Variants in BCAT1 observed in about 807,000 individuals in gnomAD.
BCAT1 encodes the protein branched chain amino acid transaminase 1, also known as branched-chain-amino-acid aminotransferase, cytosolic.
BCAT1 carries 48 observed loss-of-function variants against 52.4 expected under a neutral mutation model. That is an observed-to-expected ratio of 0.92 (90% CI 0.73 to 1.16). BCAT1 has a LOEUF of 1.16. Ranked by LOEUF, BCAT1 falls within the 50% of genes most tolerant of loss-of-function variation. The probability of loss-of-function intolerance (pLI) is 0.00; values close to 1 mark genes in which losing one functional copy is unlikely to be tolerated. For missense variants in BCAT1, 451 were observed against 457.1 expected (o/e 0.99, Z 0.12); for synonymous variants, 167 against 161.3 (o/e 1.04, Z -0.27).
chr12:24,832,544 G>A (rs1165240634), intron 9 of BCAT1, among the ~76,000 whole-genome samples, 179 bp downstream of exon 9: 20 of 152,178 alleles, frequency 1.3e-4, no homozygotes, highest in Admixed American at 1.3e-3. Context: ...AATAGCCACT[G>A]CACTCCAGCC....
At chr12:24,901,954 G>A in intron 1 of BCAT1, 69 bp from the exon 2 acceptor site, 1 of 1,612,712 alleles carries the variant, frequency 6.2e-7, no homozygotes, top group Non-Finnish European at 8.5e-7. Flanking sequence ...TAACCTACGT[G>A]ACGCTCACCA....
intron 1 of BCAT1, among the ~76,000 whole-genome samples, chr12:24,919,521 C>T (rs1257329853): frequency 2.0e-5 from 3 of 152,138 alleles, no homozygotes; most frequent in African/African-American, 7.2e-5. Flanking sequence ...TCGGCCTCCT[C>T]CCCTGTAGGA....
chr12:24,898,602 G>A (rs938015455), intron 2 of BCAT1, among the ~76,000 whole-genome samples: 52 of 130,684 alleles, frequency 4.0e-4, no homozygotes, highest in Admixed American at 3.8e-3. Flanking sequence ...TGCAACCTCC[G>A]CCTCCCCGGT....
At chr12:24,866,313 C>T (rs1186460296) in intron 5 of BCAT1, among the ~76,000 whole-genome samples, 2 of 152,234 alleles carry the variant, frequency 1.3e-5, no homozygotes, top group African/African-American at 2.4e-5. Flanking sequence ...TCTCGCCAGG[C>T]CTTAGCTGCC....
At chr12:24,944,999 A>C (rs1275830883) in intron 1 of BCAT1, among the ~76,000 whole-genome samples, 1 of 152,248 alleles carries the variant, frequency 6.6e-6, no homozygotes, top group Non-Finnish European at 1.5e-5. Flanking sequence ...AAAAGGTATA[A>C]CAGTAGAAAA....
At chr12:24,848,378 G>A (rs11047678) in intron 6 of BCAT1, among the ~76,000 whole-genome samples, 1,615 of 152,228 alleles carry the variant, frequency 0.011, 32 homozygotes, top group African/African-American at 0.036. Flanking sequence ...CACTCTGTGT[G>A]GTACTGAAAA....
chr12:24,868,167 T>A (rs976226489), intron 5 of BCAT1, among the ~76,000 whole-genome samples: 1 of 152,180 alleles, frequency 6.6e-6, no homozygotes, highest in African/African-American at 2.4e-5. Flanking sequence ...GAGGCTAGTA[T>A]AACTAACTCA....
At chr12:24,878,699 C>A in intron 4 of BCAT1, 50 bp from the exon 5 acceptor site, 1 of 1,520,468 alleles carries the variant, frequency 6.6e-7, no homozygotes, top group Non-Finnish European at 8.9e-7. Context: ...CACAATGTGG[C>A]AATAATAAAT....
At chr12:24,825,812 C>A (rs1242842851) in intron 10 of BCAT1, among the ~76,000 whole-genome samples, 1 of 152,120 alleles carries the variant, frequency 6.6e-6, no homozygotes, top group Non-Finnish European at 1.5e-5. Context: ...GTAATCTATT[C>A]CCTTTGTGGA....
chr12:24,841,552 T>G (rs1941172195), intron 7 of BCAT1, among the ~76,000 whole-genome samples: 1 of 152,058 alleles, frequency 6.6e-6, no homozygotes, highest in Admixed American at 6.6e-5. Flanking sequence ...CAATAATCAG[T>G]ACATCTAGAG....
At position 24,849,967 on chromosome 12, in the gene BCAT1, T is replaced by C; in HGVS notation, c.511-18A>G. ...AGAGAAGGCTGCAACAAAGTAGAAG[T>C]ACATACAACTGTAACTTAAAATGTG... On this transcript the variant is annotated intron_variant, in intron 5 of 10. Coordinates refer to ENST00000261192, the MANE Select transcript of BCAT1 (RefSeq NM_005504.7). 6.3e-7 allele frequency: 1 copy of C among 1,582,100 alleles called. No individual in the cohort carries two copies. The highest frequency in any genetic ancestry group is 8.6e-7 in the Non-Finnish European group (1 of 1,159,328).
chr12:24,925,803 G>A (rs1943569829), intron 1 of BCAT1, among the ~76,000 whole-genome samples: 2 of 152,230 alleles, frequency 1.3e-5, no homozygotes, highest in African/African-American at 4.8e-5. Flanking sequence ...TGTTGGCCGG[G>A]CTGGTCTCCA....
At chr12:24,892,074 G>A (rs1268427748) in intron 3 of BCAT1, among the ~76,000 whole-genome samples, 9 of 148,614 alleles carry the variant, frequency 6.1e-5, no homozygotes, top group African/African-American at 2.2e-4. Flanking sequence ...GTTTTGTTTT[G>A]TTTTGTTTTG....
intron 1 of BCAT1, chr12:24,903,398 A>C: frequency 1.2e-5 from 2 of 173,536 alleles, no homozygotes; most frequent in Non-Finnish European, 2.4e-5. Context: ...GAGAAACTAC[A>C]TTAGGGCAGC....
At chr12:24,873,624 C>A (rs1168650627) in intron 5 of BCAT1, among the ~76,000 whole-genome samples, 1 of 152,106 alleles carries the variant, frequency 6.6e-6, no homozygotes, top group Admixed American at 6.6e-5. Context: ...AGCTTCTGAC[C>A]AAAACTGTTT....
chr12:24,944,995 T>TATAA (rs1235827758), intron 1 of BCAT1, among the ~76,000 whole-genome samples: 2 of 152,196 alleles, frequency 1.3e-5, no homozygotes, highest in African/African-American at 4.8e-5. Context: ...ACCAAAAAGG[T>TATAA]ATAACAGTAG....
chr12:24,840,841 T>G (rs1350575777), intron 7 of BCAT1, among the ~76,000 whole-genome samples: 1 of 152,222 alleles, frequency 6.6e-6, no homozygotes, highest in Non-Finnish European at 1.5e-5. Flanking sequence ...ACACTGAGAC[T>G]TCATAAGTAT....
chr12:24,858,589 G>C (rs921751647), intron 5 of BCAT1, among the ~76,000 whole-genome samples: 2 of 152,180 alleles, frequency 1.3e-5, no homozygotes, highest in African/African-American at 4.8e-5. Context: ...AGCTATGCTG[G>C]AAAGACTCAG....
chr12:24,857,363 G>A (rs1314927604), intron 5 of BCAT1, among the ~76,000 whole-genome samples: 1 of 152,140 alleles, frequency 6.6e-6, no homozygotes, highest in African/African-American at 2.4e-5. Context: ...GTTTCACCTG[G>A]GAGGTTACTT....
Sources: allele counts gnomAD v4.1 joint callset (sites outside exome capture counted in the v4.1 genomes callset), GRCh38; gene constraint gnomAD v4.1.1; transcripts MANE v1.5; gene names NCBI Gene and HGNC (gene_info 2026-07-23, HGNC 2026-07-21).